ABCF1: variants seen among roughly 807,000 people sequenced by gnomAD.
The protein encoded by ABCF1 is ATP binding cassette subfamily F member 1.
A neutral mutation model predicts 126.3 loss-of-function variants in ABCF1; 73 were observed. The observed-to-expected ratio is 0.58, with a 90% confidence interval of 0.48 to 0.70. The LOEUF (loss-of-function observed/expected upper bound fraction) is 0.70. Ranked by LOEUF, ABCF1 falls within the 30% of genes least tolerant of loss-of-function variation. The pLI is 0.00. For synonymous variants in ABCF1, 345 were observed against 396.4 expected (o/e 0.87, Z 1.54); for missense variants, 786 against 1,057.5 (o/e 0.74, Z 3.56).
chr6:30,579,409 C>T (rs369596558), intron 6 of ABCF1, among the ~76,000 whole-genome samples: 9 of 151,328 alleles, frequency 5.9e-5, no homozygotes, highest in Non-Finnish European at 7.4e-5. Flanking sequence ...TACTCCTCAA[C>T]TCATGATGGG....
chr6:30,585,632 A>G lies in ABCF1; in HGVS notation c.1550A>G (p.Asp517Gly). 6.2e-7 allele frequency: 1 copy of G among 1,612,984 alleles called. No homozygotes were observed. The highest frequency in any genetic ancestry group is 8.5e-7 in the Non-Finnish European group (1 of 1,180,012). ...DQGFLDDVCT[D>G]IIHLDAQRLH... ...GGCTTCTTGGATGATGTCTGCACTG[A>G]TATCATCCACCTCGATGCCCAGCGG... is the stretch of plus-strand genomic sequence containing the variant. The change falls in exon 16 of 25, where the codon GAT (aspartate) becomes GGT (glycine). Residue 517 changes from aspartate (D) to glycine (G), a missense_variant. Physicochemically the swap from Asp to Gly is moderately conservative, Grantham distance 94. This residue lies in a region of ABCF1 where 288 missense variants were observed against 423.5 expected (regional missense o/e 0.68). Transcript: ENST00000326195.
Position 30,577,398 on chromosome 6 carries a change from T to G in ABCF1, c.74-11T>G, listed in dbSNP as rs1801558113. 6.2e-7 allele frequency: 1 copy of G among 1,613,920 alleles called. No homozygotes were observed. The highest frequency in any genetic ancestry group is 8.5e-7 in the Non-Finnish European group (1 of 1,179,928). On this transcript the variant is annotated splice_polypyrimidine_tract_variant and intron_variant, in intron 1 of 24. Transcript: ENST00000326195. ...CAGATAAGCATTCACGATGTCCGCT[T>G]AACTTTCTAGACAAAGTGGTGAAGA...
rs1029994391 is a variant in ABCF1 at position 30,578,467 on chromosome 6, T to C, written c.382-3T>C. ...TGACTTCTGTGGCCCTTTCATTCTC[T>C]AGGGTGGTAATGTTTTTGCAGCCCT... On this transcript the variant is annotated splice_polypyrimidine_tract_variant and splice_region_variant and intron_variant, in intron 5 of 24. Transcript: ENST00000326195. 5 of 1,613,958 alleles carry C rather than the reference T, an allele frequency of 3.1e-6. No individual in the cohort carries two copies. Among genetic ancestry groups the C allele is most frequent in the Non-Finnish European group, 4.2e-6 (5 of 1,179,976 alleles).
chr6:30,573,979 C>T (rs1428532669), intron 1 of ABCF1, among the ~76,000 whole-genome samples: 1 of 152,188 alleles, frequency 6.6e-6, no homozygotes, highest in South Asian at 2.1e-4. Context: ...GCAGCTTAAG[C>T]GATATACGAA....
intron 8 of ABCF1, among the ~76,000 whole-genome samples, chr6:30,581,913 C>T (rs1478587917): frequency 6.6e-6 from 1 of 152,050 alleles, no homozygotes; most frequent in African/African-American, 2.4e-5. Context: ...AATAAAGGAC[C>T]TCAGGGAGAC....
At position 30,585,541 on chromosome 6, in the gene ABCF1, T is replaced by C; in HGVS notation, c.1476-17T>C. On this transcript the variant is annotated splice_polypyrimidine_tract_variant and intron_variant, in intron 15 of 24. Coordinates refer to ENST00000326195, the MANE Select transcript of ABCF1 (RefSeq NM_001025091.2). ...CTTGACCACTGTGACACTTACACCC[T>C]GTTCTCTGAAACCCAGCTACCTCCA... 6.2e-7 allele frequency: 1 copy of C among 1,612,930 alleles called. No individual in the cohort carries two copies.
At chr6:30,575,918 T>A (rs1461611856) in intron 1 of ABCF1, among the ~76,000 whole-genome samples, 2 of 151,888 alleles carry the variant, frequency 1.3e-5, no homozygotes, top group Non-Finnish European at 1.5e-5. Context: ...AATTATTATT[T>A]TTTTAATTAG....
intron 6 of ABCF1, among the ~76,000 whole-genome samples, chr6:30,579,450 GAACT>G (rs1020708107): frequency 7.0e-6 from 1 of 143,756 alleles, no homozygotes; most frequent in Non-Finnish European, 1.5e-5. Flanking sequence ...TCATAAGTTG[GAACT>G]ATTTTTTTTT....
intron 1 of ABCF1, among the ~76,000 whole-genome samples, chr6:30,572,871 T>C (rs1459985362): frequency 6.6e-6 from 1 of 152,098 alleles, no homozygotes; most frequent in Non-Finnish European, 1.5e-5. Flanking sequence ...AGGAAGTTTG[T>C]GGAAGGTAGA....
intron 6 of ABCF1, among the ~76,000 whole-genome samples, chr6:30,579,728 T>C (rs111447816): frequency 0.029 from 4,341 of 152,146 alleles, 133 homozygotes; most frequent in African/African-American, 0.074. Flanking sequence ...AGTGCTGGGA[T>C]TACAGGTGTG....
chr6:30,584,420 G>A lies in ABCF1; in HGVS notation c.1245G>A (p.Val415=), dbSNP rs1469020043. ...TGTCCTCTTCTCCCTCCTCCCAGGT[G>A]TATGAGGAATTGCGGGCCACTGGGG... The part of the protein sequence containing the change: ...DDTAAERLEK[V]YEELRATGAA... The change falls in exon 14 of 25, where the codon GTG becomes GTA. Residue 415 remains valine (V), a splice_region_variant and synonymous_variant. Transcript: ENST00000326195. This position sits in a 1 kb window ranked among gnomAD's most constrained non-coding sequence, Gnocchi z 4.6. 3.1e-6 allele frequency: 5 copies of A among 1,613,122 alleles called. No homozygotes were observed. Among genetic ancestry groups the A allele is most frequent in the South Asian group, 1.1e-5 (1 of 91,088 alleles).
At chr6:30,589,026 G>A (rs1802299058) in intron 20 of ABCF1, among the ~76,000 whole-genome samples, 1 of 151,914 alleles carries the variant, frequency 6.6e-6, no homozygotes, top group Non-Finnish European at 1.5e-5. Flanking sequence ...TCTTTTTTGA[G>A]ACAAAGTCTT....
At chr6:30,579,852 T>C in intron 6 of ABCF1, 79 bp from the exon 7 acceptor site, 1 of 1,437,848 alleles carries the variant, frequency 7.0e-7, no homozygotes, top group Non-Finnish European at 9.6e-7. Flanking sequence ...CAGTAGACTC[T>C]CTAGAAATGC....
intron 14 of ABCF1, among the ~76,000 whole-genome samples, 170 bp from the exon 15 acceptor site, chr6:30,585,090 G>T (rs1467185063): frequency 6.6e-6 from 1 of 152,156 alleles, no homozygotes; most frequent in Admixed American, 6.5e-5. Flanking sequence ...GGGCAACAGG[G>T]CGAGACCCTG....
intron 20 of ABCF1, among the ~76,000 whole-genome samples, chr6:30,588,148 G>A (rs1192243627): frequency 4.6e-5 from 7 of 152,072 alleles, no homozygotes; most frequent in African/African-American, 1.7e-4. Flanking sequence ...TGATCCGCCC[G>A]CCTCAGCCTC....
At chr6:30,576,644 G>A (rs73433115) in intron 1 of ABCF1, among the ~76,000 whole-genome samples, 3,548 of 151,758 alleles carry the variant, frequency 0.023, 124 homozygotes, top group African/African-American at 0.072. Context: ...CTTTATGTCC[G>A]CTTGTCACCA....
In ABCF1 at chr6:30,583,975, G is replaced by A; in HGVS notation, c.1102+85G>A. 6.6e-7 allele frequency: 1 copy of A among 1,522,816 alleles called. No homozygotes were observed. Among genetic ancestry groups the A allele is most frequent in the Non-Finnish European group, 9.0e-7 (1 of 1,107,256 alleles). 94.3% of individuals were successfully genotyped at this position (1,522,816 alleles called of 1,614,324 possible). The stretch of plus-strand genomic sequence containing the variant: ...CCAGCCAAGAATAGAAGAAATTGTG[G>A]CTATGGAGTTGGAAGGGATGTGGAG... On this transcript the variant is annotated intron_variant, in intron 12 of 24. Coordinates refer to ENST00000326195, the MANE Select transcript of ABCF1 (RefSeq NM_001025091.2). This position sits in a 1 kb window ranked among gnomAD's most constrained non-coding sequence, Gnocchi z 4.1.
chr6:30,589,190 G>C (rs973858880), intron 20 of ABCF1, among the ~76,000 whole-genome samples: 7 of 151,908 alleles, frequency 4.6e-5, no homozygotes, highest in Non-Finnish European at 8.8e-5. Flanking sequence ...GTAGAGACAG[G>C]GTTTCACAAT....
intron 6 of ABCF1, 103 bp downstream of exon 6, chr6:30,578,680 A>C: frequency 9.7e-7 from 1 of 1,027,766 alleles, no homozygotes; most frequent in Non-Finnish European, 1.5e-6. Flanking sequence ...GGTCTGTCTT[A>C]CTTATACTGT....
Sources: gnomAD v4.1 joint callset for allele counts (sites outside exome capture counted in the v4.1 genomes callset) on GRCh38, gnomAD v4.1.1 for gene constraint, gnomAD v4.1.1 regional missense constraint, Gnocchi (gnomAD v3.1) non-coding constraint, MANE v1.5 for transcripts, NCBI Gene and HGNC (gene_info 2026-07-23, HGNC 2026-07-21) for gene names.